Variants in TLN1 observed in about 807,000 individuals in gnomAD.
TLN1 encodes talin 1.
In TLN1, 56 loss-of-function variants were observed where a neutral mutation model predicts 292.3. The observed-to-expected ratio is 0.19, with a 90% CI of 0.15 to 0.24. The LOEUF is 0.24. Ranked by LOEUF, TLN1 falls within the 10% of genes least tolerant of loss-of-function variation. The pLI is 1.00. For missense variants in TLN1, 2,433 were observed against 3,248.2 expected (o/e 0.75, Z 6.10); for synonymous variants, 1,119 against 1,253.7 (o/e 0.89, Z 2.27).
rs1412353819 is a variant in TLN1 at position 35,713,193 on chromosome 9, T to C, written c.3352+3A>G. 6.3e-7 allele frequency: 1 copy of C among 1,592,316 alleles called. No homozygotes were observed. The highest frequency in any genetic ancestry group is 1.3e-5 in the African/African-American group (1 of 74,538). On this transcript the variant is annotated splice_donor_region_variant and intron_variant, in intron 26 of 56. Transcript: ENST00000314888. ...CCCCATGCCTGGCTCTCTGCCCACA[T>C]ACCTGCATAATTCTCATTGCCCTGG...
rs141088996 is a variant in TLN1 at position 35,726,443 on chromosome 9, C to T, written c.-33-716G>A. Among the ~76,000 whole-genome samples, 50 of 152,324 alleles carry T rather than the reference C, an allele frequency of 3.3e-4. No homozygotes were observed. The East Asian group carries it at 9.2e-3, about 28-fold the overall frequency. ...TTCAGTATTTTTCTCTCTTTGTCTCCTGCTGTGTCCTGCTGGCTCTTCCCT... is the reference window on the plus strand; with the variant it reads ...TTCAGTATTTTTCTCTCTTTGTCTCTTGCTGTGTCCTGCTGGCTCTTCCCT... On this transcript the variant is annotated intron_variant, in intron 1 of 56. Coordinates refer to ENST00000314888, the MANE Select transcript of TLN1 (RefSeq NM_006289.4).
chr9:35,710,800 T>C lies in TLN1; in HGVS notation c.4200A>G (p.Ser1400=), dbSNP rs1825654827. The C allele has an allele frequency of 5.0e-6, 8 of 1,613,806 alleles. No individual in the cohort carries two copies. The highest frequency in any genetic ancestry group is 6.8e-6 in the Non-Finnish European group (8 of 1,179,752). The change falls in exon 32 of 57, where the codon TCA becomes TCG. Residue 1400 remains serine, a synonymous_variant. Transcript: ENST00000314888. ...CCGAGTTCCTGGCTGTGCTGACCTT[T>C]GAGTTCTCCATTACACTGTCCAGGC... ...FGCLDSVMEN[S]KVLGEAMTGI... is the part of the protein sequence containing the mutation.
Position 35,721,009 on chromosome 9 carries a change from C to A in TLN1, c.1105-96G>T, listed in dbSNP as rs560071972. 1.6e-5 allele frequency: 14 copies of A among 890,410 alleles called. No individual in the cohort carries two copies. The African/African-American group carries it at 1.7e-4, about 11-fold the overall frequency. 55.2% of individuals were successfully genotyped at this position (890,410 alleles called of 1,614,324 possible). A position where few individuals can be genotyped will look rare whatever the true frequency, so the allele number is the denominator to read the frequency against. ...GGCCCAAGGTTGAGCTGATGAGATG[C>A]CTTCCCGTGGCAACGGCCCTCTTGG... On this transcript the variant is annotated intron_variant, in intron 10 of 56. Coordinates refer to ENST00000314888, the MANE Select transcript of TLN1 (RefSeq NM_006289.4).
Position 35,699,169 on chromosome 9 carries a change from A to G in TLN1, c.6875-13T>C. 1 of 1,599,554 alleles carries G rather than the reference A, an allele frequency of 6.3e-7. No individual in the cohort carries two copies. ...ACCCATTCTGTTCCTGGTGGGATGA[A>G]GGAAGAGGAAAGAGGCTAAGGCAGA... On this transcript the variant is annotated splice_polypyrimidine_tract_variant and intron_variant, in intron 51 of 56. Coordinates refer to ENST00000314888, the MANE Select transcript of TLN1 (RefSeq NM_006289.4). This position sits in a 1 kb window ranked among gnomAD's most constrained non-coding sequence, Gnocchi z 4.0.
intron 1 of TLN1, among the ~76,000 whole-genome samples, chr9:35,727,508 T>A (rs1228911209): frequency 6.6e-6 from 1 of 152,036 alleles, no homozygotes; most frequent in Non-Finnish European, 1.5e-5. Context: ...GAACCACAGC[T>A]CTCTGTCTTT....
rs1563937104 is a variant in TLN1, at chr9:35,698,299, A to G, written c.7371+24T>C. ...TTTGAAGCAGTATAGCCCAAGGGAC[A>G]ATGGGATGGGTCAGGGTTCTCACCT... On this transcript the variant is annotated intron_variant, in intron 55 of 56. Transcript: ENST00000314888. This position sits in a 1 kb window ranked among gnomAD's most constrained non-coding sequence, Gnocchi z 5.3. 1 of 1,613,070 alleles carries G rather than the reference A, an allele frequency of 6.2e-7. No homozygotes were observed. Among genetic ancestry groups the G allele is most frequent in the East Asian group, 2.2e-5 (1 of 44,870 alleles).
chr9:35,717,453 T>A lies in TLN1; in HGVS notation c.2164-13A>T. The A allele has an allele frequency of 6.2e-7, 1 of 1,607,904 alleles. No individual in the cohort carries two copies. Among genetic ancestry groups the A allele is most frequent in the South Asian group, 1.1e-5 (1 of 90,896 alleles). On this transcript the variant is annotated splice_polypyrimidine_tract_variant and intron_variant, in intron 18 of 56. Coordinates refer to ENST00000314888, the MANE Select transcript of TLN1 (RefSeq NM_006289.4). The surrounding 1 kb of genome is among the most constrained non-coding windows in gnomAD (Gnocchi z 4.7). ...TAGGTGCCACCACCTGTAGGTAAAG[T>A]GAATGTCAGAGACGTAGGCAAGGGA...
chr9:35,722,739 C>T lies in TLN1; in HGVS notation c.843+122G>A. The T allele has an allele frequency of 3.2e-6, 3 of 939,196 alleles. No individual in the cohort carries two copies. The South Asian group carries it at 4.3e-5, about 13-fold the overall frequency. 58.2% of individuals were successfully genotyped at this position (939,196 alleles called of 1,614,324 possible). A position where few individuals can be genotyped will look rare whatever the true frequency, so the allele number is the denominator to read the frequency against. On this transcript the variant is annotated intron_variant, in intron 8 of 56. Transcript: ENST00000314888. The stretch of plus-strand genomic sequence containing the variant: ...TCTTGGCAGAGGTGAGGTGGGATAA[C>T]AGCCCGGTGGGTGAAAGCCAAGTTA...
At chr9:35,711,464 C>T (rs1825666703) in intron 29 of TLN1, 70 bp from the exon 30 acceptor site, 1 of 1,608,182 alleles carries the variant, frequency 6.2e-7, no homozygotes, top group Admixed American at 1.7e-5. Context: ...GATCTTCTTT[C>T]CCAGACACTC....
At position 35,711,006 on chromosome 9, in the gene TLN1, C is replaced by A. The variant is rs746908388; in HGVS notation, c.4096G>T (p.Ala1366Ser). 2 of 1,614,202 alleles carry A rather than the reference C, an allele frequency of 1.2e-6. No individual in the cohort carries two copies. Among genetic ancestry groups the A allele is most frequent in the Non-Finnish European group, 1.7e-6 (2 of 1,180,032 alleles). The stretch of plus-strand genomic sequence containing the variant: ...GTGTCTACCTCCAATTCCCGCAGGG[C>A]GTTATCACACTCCTTCTGGCCGGGT... Reference protein sequence around the residue: ...QAPGQKECDNALRELETVREL... With the variant: ...QAPGQKECDNSLRELETVREL... Residue 1366 changes from alanine to serine, a missense_variant, in exon 31 of 57, where the codon GCC becomes TCC. Around this residue, in one of 7 missense-constraint regions of TLN1, gnomAD observed 1,384 missense variants for 1,699.6 expected, o/e 0.81. Transcript: ENST00000314888.
intron 1 of TLN1, among the ~76,000 whole-genome samples, chr9:35,726,911 T>C (rs1479746796): frequency 2.0e-5 from 3 of 152,226 alleles, no homozygotes; most frequent in African/African-American, 7.2e-5. Flanking sequence ...AAGTTAATAC[T>C]CAGTCCTGCA....
At chr9:35,728,650 T>A (rs1826019140) in intron 1 of TLN1, among the ~76,000 whole-genome samples, 1 of 152,200 alleles carries the variant, frequency 6.6e-6, no homozygotes, top group Non-Finnish European at 1.5e-5. Context: ...GACTGCATTA[T>A]CTTCTCCTAG....
chr9:35,711,103 A>G (rs1254978683), intron 30 of TLN1, 21 bp from the exon 31 acceptor site: 1 of 1,613,726 alleles, frequency 6.2e-7, no homozygotes, highest in East Asian at 2.2e-5. Context: ...CAGAAAGTTG[A>G]GTGAAAAGGT....
intron 48 of TLN1, among the ~76,000 whole-genome samples, chr9:35,702,125 G>A (rs1313774896): frequency 6.6e-6 from 1 of 152,150 alleles, no homozygotes; most frequent in African/African-American, 2.4e-5. Flanking sequence ...AGGAATGAAA[G>A]GACGTGGCAA....
Position 35,719,014 on chromosome 9 carries a change from G to T in TLN1, c.1896+60C>A. ...AGGCTTCCATCCTGTGGCTTGGACT[G>T]CCCCTTCTCCTTGGGCTTGAACCCT... On this transcript the variant is annotated intron_variant, in intron 16 of 56. Coordinates refer to ENST00000314888, the MANE Select transcript of TLN1 (RefSeq NM_006289.4). This position sits in a 1 kb window ranked among gnomAD's most constrained non-coding sequence, Gnocchi z 4.6. 6.3e-7 allele frequency: 1 copy of T among 1,595,404 alleles called. No individual in the cohort carries two copies.
chr9:35,722,311 A>G, intron 8 of TLN1, 88 bp from the exon 9 acceptor site: 1 of 1,151,582 alleles, frequency 8.7e-7, no homozygotes, highest in South Asian at 1.3e-5. Context: ...ACGAGAGAGA[A>G]TTATGGGGAC....
rs1342638389 is a variant in TLN1 at position 35,699,442 on chromosome 9, G to A, written c.6788C>T (p.Pro2263Leu). ...HVLLTLQKPS[P>L]ELKQQLTGHS... ...TCCTGTCAACTGCTGCTTCAGTTCTGGGCTTGGCTTCTGCAGGGTCTGGGC... is the reference window on the plus strand; with the variant it reads ...TCCTGTCAACTGCTGCTTCAGTTCTAGGCTTGGCTTCTGCAGGGTCTGGGC... The change falls in exon 51 of 57, where the codon CCA (proline) becomes CTA (leucine). Residue 2263 changes from proline to leucine, a missense_variant. Around this residue, in one of 7 missense-constraint regions of TLN1, gnomAD observed 1,384 missense variants for 1,699.6 expected, o/e 0.81. Coordinates refer to ENST00000314888, the MANE Select transcript of TLN1 (RefSeq NM_006289.4). The surrounding 1 kb of genome is among the most constrained non-coding windows in gnomAD (Gnocchi z 4.0). The A allele has an allele frequency of 6.2e-7, 1 of 1,613,568 alleles. No individual in the cohort carries two copies. The highest frequency in any genetic ancestry group is 1.7e-5 in the Admixed American group (1 of 59,910).
intron 47 of TLN1, 42 bp from the exon 48 acceptor site, chr9:35,703,718 C>T: frequency 6.2e-7 from 1 of 1,614,206 alleles, no homozygotes; most frequent in Admixed American, 1.7e-5. Context: ...TTTTAAGGAA[C>T]AGGAGGAAGT....
Position 35,714,518 on chromosome 9 carries a change from G to A in TLN1, c.2985+56C>T, listed in dbSNP as rs908942818. 3.1e-6 allele frequency: 5 copies of A among 1,593,152 alleles called. No individual in the cohort carries two copies. Among genetic ancestry groups the A allele is most frequent in the African/African-American group, 1.3e-5 (1 of 74,748 alleles). On this transcript the variant is annotated intron_variant, in intron 23 of 56. Transcript: ENST00000314888. The surrounding 1 kb of genome is among the most constrained non-coding windows in gnomAD (Gnocchi z 4.6). ...GGCAGAGATTCAAACTGTGGGAGAT[G>A]GAAGCTTAGAAAGGTGGGAAGGTCA...
Sources: gnomAD v4.1 joint callset for allele counts (sites outside exome capture counted in the v4.1 genomes callset) on GRCh38, gnomAD v4.1.1 for gene constraint, gnomAD v4.1.1 regional missense constraint, Gnocchi (gnomAD v3.1) non-coding constraint, MANE v1.5 for transcripts, NCBI Gene and HGNC (gene_info 2026-07-23, HGNC 2026-07-21) for gene names.